ZNF263: variants seen among roughly 807,000 people sequenced by gnomAD.
The protein encoded by ZNF263 is zinc finger protein 263, also known as zinc finger protein FPM315.
Under a neutral mutation model 63.1 loss-of-function variants are expected in ZNF263, and 49 were observed. The ratio of observed to expected loss-of-function variants is 0.78; its 90% confidence interval spans 0.62 to 0.99. ZNF263 has a LOEUF of 0.99. Among genes scored for constraint, ZNF263 ranks in the 50% least tolerant of loss-of-function variants. ZNF263 has a pLI of 0.00. For synonymous variants in ZNF263, 352 were observed against 324.2 expected (o/e 1.09, Z -0.92); for missense variants, 872 against 854.8 (o/e 1.02, Z -0.25).
chr16:3,288,218 C>G (rs1310443283), intron 4 of ZNF263, among the ~76,000 whole-genome samples: 4 of 150,986 alleles, frequency 2.6e-5, no homozygotes, highest in African/African-American at 9.8e-5. Flanking sequence ...TGCCACTGCA[C>G]TCCAGCCTGG....
At chr16:3,291,833 G>A (rs1198490903), downstream of ZNF263, among the ~76,000 whole-genome samples, 1 of 152,226 alleles carries the variant, frequency 6.6e-6, no homozygotes, top group Non-Finnish European at 1.5e-5. Flanking sequence ...TTTTGGTCTT[G>A]CAACTGATTT....
At chr16:3,293,647 C>T (rs1959673071), downstream of ZNF263, among the ~76,000 whole-genome samples, 1 of 152,198 alleles carries the variant, frequency 6.6e-6, no homozygotes, top group South Asian at 2.1e-4. Flanking sequence ...GCAGCAGCCA[C>T]ACATCCTTAG....
chr16:3,286,293 C>T (rs1959355766), intron 4 of ZNF263, 144 bp downstream of exon 4: 9 of 1,239,546 alleles, frequency 7.3e-6, no homozygotes, highest in Admixed American at 3.2e-5. Flanking sequence ...GTCCCCTGTA[C>T]GAGAGTCATG....
rs775617976 is a variant in ZNF263 at position 3,300,069 on chromosome 16, G to T, written c.*47-844G>T. On this transcript the variant is annotated intron_variant, in intron 2 of 2. Transcript: ENST00000574674. Reference sequence around the variant, plus strand: ...AATTTTCTGGCATTGACTTCCAAAAGAGGTCTGTTTCATCCCCACTGTATA... The same window carrying T: ...AATTTTCTGGCATTGACTTCCAAAATAGGTCTGTTTCATCCCCACTGTATA... The T allele has an allele frequency of 4.3e-6, 7 of 1,614,004 alleles. No individual in the cohort carries two copies. In the African/African-American group the frequency reaches 5.3e-5, roughly 12 times the overall value.
rs1271930802 is a variant in ZNF263 at position 3,283,902 on chromosome 16, G to T, written c.84G>T (p.Leu28=). 2 of 1,611,936 alleles carry T rather than the reference G, an allele frequency of 1.2e-6. No individual in the cohort carries two copies. Among genetic ancestry groups the T allele is most frequent in the Admixed American group, 1.7e-5 (1 of 59,946 alleles). Residue 28 remains leucine (L), a synonymous_variant, in exon 1 of 6, where the codon CTG becomes CTT. Coordinates refer to ENST00000219069, the MANE Select transcript of ZNF263 (RefSeq NM_005741.5). Reference sequence around the variant, plus strand: ...AGGACTGCGCCTGGAGCCAGGAGCTGCCCCCACCTGACCCAGGACCGAGCC... The same window carrying T: ...AGGACTGCGCCTGGAGCCAGGAGCTTCCCCCACCTGACCCAGGACCGAGCC... The part of the protein sequence containing the change: ...LEEDCAWSQE[L]PPPDPGPSPE...
chr16:3,300,118 T>G, intron 2 of ZNF263: 2 of 1,614,218 alleles, frequency 1.2e-6, no homozygotes, highest in Non-Finnish European at 1.7e-6. Flanking sequence ...CAGTTTCTCC[T>G]CTTTGATTAT....
Position 3,290,213 on chromosome 16 carries a change from G to C in ZNF263, c.1707G>C (p.Lys569Asn). The change falls in exon 6 of 6, where the codon AAG becomes AAC. Residue 569 changes from lysine (K) to asparagine (N), a missense_variant. Coordinates refer to ENST00000219069, the MANE Select transcript of ZNF263 (RefSeq NM_005741.5). ...TTCTTACAAACCATGGAGCCCATAA[G>C]GCAGAGAAGAAGCTCTTTGAATGTT... ...TPFLTNHGAH[K>N]AEKKLFECLT... is the part of the protein sequence containing the mutation. The C allele has an allele frequency of 6.2e-7, 1 of 1,614,150 alleles. No homozygotes were observed. Among genetic ancestry groups the C allele is most frequent in the African/African-American group, 1.3e-5 (1 of 75,016 alleles).
Position 3,290,606 on chromosome 16 carries a change from G to C in ZNF263, c.*48G>C. 6.5e-7 allele frequency: 1 copy of C among 1,539,738 alleles called. No homozygotes were observed. Among genetic ancestry groups the C allele is most frequent in the Non-Finnish European group, 8.7e-7 (1 of 1,148,874 alleles). ...CCCAGGTGAGGTGGCATATTCAGAG[G>C]AGCCTGTTGGCAAGAGCTGGTATTC... On this transcript the variant is annotated 3_prime_UTR_variant, in exon 6 of 6. Coordinates refer to ENST00000219069, the MANE Select transcript of ZNF263 (RefSeq NM_005741.5).
intron 2 of ZNF263, chr16:3,299,316 C>T (rs368708533): frequency 3.7e-6 from 6 of 1,602,922 alleles, no homozygotes; most frequent in Non-Finnish European, 5.1e-6. Flanking sequence ...CATCATCCAA[C>T]TTAGTTTCCA....
chr16:3,295,417 G>A (rs1959717092), downstream of ZNF263, among the ~76,000 whole-genome samples: 1 of 152,220 alleles, frequency 6.6e-6, no homozygotes, highest in Non-Finnish European at 1.5e-5. Flanking sequence ...TCCCGCCCGG[G>A]CGGTGTATGG....
intron 2 of ZNF263, chr16:3,299,594 G>A (rs201026387): frequency 1.3e-5 from 21 of 1,555,594 alleles, no homozygotes; most frequent in Non-Finnish European, 1.7e-5. Context: ...CATCTATACA[G>A]CCGTTTGCAG....
At chr16:3,295,189 G>A (rs1195714711), downstream of ZNF263, among the ~76,000 whole-genome samples, 9 of 151,736 alleles carry the variant, frequency 5.9e-5, no homozygotes, top group Admixed American at 5.2e-4. Flanking sequence ...GGGCCCACGA[G>A]CCTCCTCCAA....
At chr16:3,286,209 TATTC>T in intron 4 of ZNF263, 60 bp downstream of exon 4, 1 of 1,523,482 alleles carries the variant, frequency 6.6e-7, no homozygotes, top group Non-Finnish European at 8.7e-7. Flanking sequence ...TCCTGCCCGT[TATTC>T]ATTCACCTCC....
In ZNF263 at chr16:3,285,223, G is replaced by A. The variant is rs191259461; in HGVS notation, c.552G>A (p.Gln184=). The change falls in exon 2 of 6, where the codon CAG becomes CAA. Residue 184 remains glutamine (Q), a synonymous_variant. Transcript: ENST00000219069. ...GCCCCAGCCCCCAAAGGGACCCCCA[G>A]GCTGTAAAGGAGAGGGGTGAGGCAC... ...LLGPSPQRDP[Q]AVKERALSAP... is the part of the protein sequence containing the mutation. The A allele has an allele frequency of 4.1e-4, 667 of 1,612,884 alleles. 3 individuals carry two copies. In the Admixed American group the frequency reaches 8.6e-3, roughly 21 times the overall value.
intron 2 of ZNF263, chr16:3,300,688 C>A (rs1286228013): frequency 2.6e-5 from 40 of 1,510,718 alleles, no homozygotes; most frequent in Non-Finnish European, 9.7e-6. Flanking sequence ...AAAAAAAAAC[C>A]CACATTTTTT....
chr16:3,291,998 C>T (rs1275946747), downstream of ZNF263, among the ~76,000 whole-genome samples: 1 of 152,124 alleles, frequency 6.6e-6, no homozygotes, highest in Non-Finnish European at 1.5e-5. Flanking sequence ...GTCTTGAGTT[C>T]CCGAGCTCAA....
At chr16:3,298,860 A>T (rs1959843715) in intron 1 of ZNF263, 2 of 423,336 alleles carry the variant, frequency 4.7e-6, no homozygotes, top group African/African-American at 4.1e-5. Flanking sequence ...TTTTATAACC[A>T]TTATATAAAT....
In ZNF263 at chr16:3,285,129, C is replaced by T. The variant is rs1283728938; in HGVS notation, c.458C>T (p.Ser153Leu). 1.2e-6 allele frequency: 2 copies of T among 1,614,050 alleles called. No homozygotes were observed. The highest frequency in any genetic ancestry group is 3.3e-5 in the Admixed American group (2 of 60,004). Residue 153 changes from serine (S) to leucine (L), a missense_variant, in exon 2 of 6, where the codon TCA becomes TTA. Ser to Leu is a moderately radical substitution (Grantham distance 145). Transcript: ENST00000219069. ...EPLPLETARE[S>L]PSFKLEPMET... is the part of the protein sequence containing the mutation. The stretch of plus-strand genomic sequence containing the variant: ...TTGCCTCTGGAAACAGCACGAGAGT[C>T]ACCGAGCTTCAAGCTGGAGCCAATG...
In ZNF263 at chr16:3,289,754, T is replaced by C; in HGVS notation, c.1248T>C (p.Gly416=). ...GTGTGGACTGCACTGAAATCTTTGG[T>C]GGGAACCCACGTTTCCTGTCACTAC... ...CMGVDCTEIF[G]GNPRFLSLHR... is the part of the protein sequence containing the mutation. The change falls in exon 6 of 6, where the codon GGT becomes GGC. Residue 416 remains glycine (G), a synonymous_variant. Transcript: ENST00000219069. The C allele has an allele frequency of 2.5e-6, 4 of 1,614,136 alleles. No homozygotes were observed. Among genetic ancestry groups the C allele is most frequent in the Non-Finnish European group, 3.4e-6 (4 of 1,180,008 alleles).
Sources: allele counts gnomAD v4.1 joint callset (sites outside exome capture counted in the v4.1 genomes callset), GRCh38; gene constraint gnomAD v4.1.1; transcripts MANE v1.5; gene names NCBI Gene and HGNC (gene_info 2026-07-23, HGNC 2026-07-21).